Variants in NOTCH2 observed in about 807,000 individuals in gnomAD.
NOTCH2 encodes the protein neurogenic locus notch homolog protein 2.
Under a neutral mutation model 235.8 loss-of-function variants are expected in NOTCH2, and 29 were observed. That is an observed-to-expected ratio of 0.12 (90% CI 0.09 to 0.17). NOTCH2 has a LOEUF of 0.17. Among genes scored for constraint, NOTCH2 ranks in the 10% least tolerant of loss-of-function variants. NOTCH2 has a pLI of 1.00. For synonymous variants in NOTCH2, 1,086 were observed against 1,141.5 expected (o/e 0.95, Z 0.98); for missense variants, 2,285 against 3,150.2 (o/e 0.73, Z 6.57).
At position 119,948,590 on chromosome 1, in the gene NOTCH2, G is replaced by T. The variant is rs149097658; in HGVS notation, c.2600-24C>A. The T allele has an allele frequency of 1.9e-3, 3,104 of 1,613,920 alleles. 39 individuals are homozygous for T. The East Asian group carries it at 0.03, about 16-fold the overall frequency. On this transcript the variant is annotated intron_variant, in intron 16 of 33. Transcript: ENST00000256646. The stretch of plus-strand genomic sequence containing the variant: ...ACCTAGGAACACAGGGCCAATAAAT[G>T]ACCTAGTCCTTGGAAGCTGATTCCC...
In NOTCH2 at chr1:119,959,425, G is replaced by A. The variant is rs1352414422; in HGVS notation, c.1993C>T (p.Arg665Cys). The change falls in exon 12 of 34, where the codon CGC (arginine) becomes TGC (cysteine). Residue 665 changes from arginine (R) to cysteine (C), a missense_variant. Coordinates refer to ENST00000256646, the MANE Select transcript of NOTCH2 (RefSeq NM_024408.4). ...CCTGGTGAGCAGACACAACTGTAGC[G>A]ATTAATGCCATCCATACAGATTCCA... ...IHGICMDGIN[R>C]YSCVCSPGFT... 5.6e-6 allele frequency: 9 copies of A among 1,610,538 alleles called. No individual in the cohort carries two copies. The African/African-American group carries it at 6.7e-5, about 12-fold the overall frequency.
At chr1:119,982,094 T>G (rs1241965493) in intron 5 of NOTCH2, among the ~76,000 whole-genome samples, 11 of 152,160 alleles carry the variant, frequency 7.2e-5, no homozygotes, top group African/African-American at 2.4e-4. Flanking sequence ...AAGGAGCTCA[T>G]GCACCACCTC....
chr1:120,029,548 A>G (rs1360321642), intron 2 of NOTCH2, among the ~76,000 whole-genome samples: 3 of 151,704 alleles, frequency 2.0e-5, no homozygotes, highest in Non-Finnish European at 4.4e-5. Flanking sequence ...ATAGGGTTTC[A>G]CTATGTTGGC....
intron 16 of NOTCH2, 44 bp downstream of exon 16, chr1:119,948,963 A>T: frequency 6.2e-7 from 1 of 1,613,846 alleles, no homozygotes. Flanking sequence ...CTTTGTTTAA[A>T]GTCAGAATGC....
intron 22 of NOTCH2, among the ~76,000 whole-genome samples, chr1:119,930,583 A>C (rs924048327): frequency 1.3e-5 from 2 of 151,244 alleles, no homozygotes; most frequent in East Asian, 3.9e-4. Flanking sequence ...GTTCAAGACC[A>C]ATCTGCCCAA....
In NOTCH2 at chr1:119,912,980, G is replaced by T. The variant is rs765882340; in HGVS notation, c.*2326C>A. 3 of 233,370 alleles carry T rather than the reference G, an allele frequency of 1.3e-5. No individual in the cohort carries two copies. Among genetic ancestry groups the T allele is most frequent in the Non-Finnish European group, 2.5e-5 (3 of 118,020 alleles). The allele number at this position is 233,370 out of a possible 1,614,324, so 14.5% of individuals were successfully genotyped here. On this transcript the variant is annotated 3_prime_UTR_variant, in exon 34 of 34. Transcript: ENST00000256646. ...GTCTGACATTGTGCTTAAGGAAAAGGGAGGATATAAAATATCCAGTGGCTG... is the reference window on the plus strand; with the variant it reads ...GTCTGACATTGTGCTTAAGGAAAAGTGAGGATATAAAATATCCAGTGGCTG...
intron 18 of NOTCH2, among the ~76,000 whole-genome samples, 197 bp downstream of exon 18, chr1:119,941,329 T>C (rs1450864953): frequency 2.0e-5 from 3 of 152,196 alleles, no homozygotes; most frequent in Non-Finnish European, 4.4e-5. Context: ...CTATAAACTT[T>C]GCAACCTCTG....
rs532251094 is a variant in NOTCH2 at position 119,921,762 on chromosome 1, G to T, written c.5261C>A (p.Thr1754Lys). ...VSEANLIGTG[T>K]SEHWVDDEGP... ...TTCATCATCGACCCAGTGTTCACTT[G>T]TTCCAGTACCAATTAGGTTAGCTTC... The change falls in exon 29 of 34, where the codon ACA (threonine) becomes AAA (lysine). Residue 1754 changes from threonine (T) to lysine (K), a missense_variant. By Grantham distance (78) the Thr-to-Lys change is moderately conservative (BLOSUM62 -1). Around this residue, in one of 6 missense-constraint regions of NOTCH2, gnomAD observed 1,173 missense variants for 1,515.3 expected, o/e 0.77. Transcript: ENST00000256646. 5.0e-6 allele frequency: 8 copies of T among 1,614,180 alleles called. No individual in the cohort carries two copies. In the African/African-American group the frequency reaches 1.1e-4, roughly 22 times the overall value.
At chr1:119,917,360 GA>G (rs1327826762) in intron 33 of NOTCH2, among the ~76,000 whole-genome samples, 1 of 152,174 alleles carries the variant, frequency 6.6e-6, no homozygotes. Flanking sequence ...ACGAGAAAAA[GA>G]AGTGATTATG....
At position 119,920,255 on chromosome 1, in the gene NOTCH2, A is replaced by G; in HGVS notation, c.5453T>C (p.Val1818Ala). 1 of 1,614,166 alleles carries G rather than the reference A, an allele frequency of 6.2e-7. No homozygotes were observed. Among genetic ancestry groups the G allele is most frequent in the South Asian group, 1.1e-5 (1 of 91,072 alleles). Residue 1818 changes from valine to alanine, a missense_variant, in exon 30 of 34, where the codon GTG (valine) becomes GCG (alanine). By Grantham distance (64) the Val-to-Ala change is moderately conservative. Around this residue, in one of 6 missense-constraint regions of NOTCH2, gnomAD observed 1,173 missense variants for 1,515.3 expected, o/e 0.77. Coordinates refer to ENST00000256646, the MANE Select transcript of NOTCH2 (RefSeq NM_024408.4). ...TGGGCCACGGACATTCACATCTAACACATCCACCTCCTGCTCTGCCTGAGG... is the reference window on the plus strand; with the variant it reads ...TGGGCCACGGACATTCACATCTAACGCATCCACCTCCTGCTCTGCCTGAGG... The part of the protein sequence containing the change: ...TPPQAEQEVD[V>A]LDVNVRGPDG...
rs1650639063 is a variant in NOTCH2, at chr1:119,955,212, T to G, written c.2047A>C (p.Ile683Leu). The change falls in exon 13 of 34, where the codon ATT becomes CTT. Residue 683 changes from isoleucine to leucine, a missense_variant. By Grantham distance (5) the Ile-to-Leu change is conservative. Around this residue, in one of 6 missense-constraint regions of NOTCH2, gnomAD observed 1,173 missense variants for 1,515.3 expected, o/e 0.77. Transcript: ENST00000256646. ...CAGGGATTGGAGGCACACTCATCAA[T>G]GTCAATGTTACATCTCTGCCCTGTG... ...GFTGQRCNID[I>L]DECASNPCRK... is the part of the protein sequence containing the mutation. The G allele has an allele frequency of 6.2e-7, 1 of 1,614,144 alleles. No homozygotes were observed.
intron 20 of NOTCH2, 90 bp from the exon 21 acceptor site, chr1:119,937,556 C>A: frequency 8.2e-7 from 1 of 1,216,424 alleles, no homozygotes; most frequent in Non-Finnish European, 1.2e-6. Context: ...TCTAAACTGG[C>A]TGACACATCC....
At chr1:119,965,270 G>A (rs1198897283) in intron 10 of NOTCH2, among the ~76,000 whole-genome samples, 183 bp downstream of exon 10, 1 of 152,246 alleles carries the variant, frequency 6.6e-6, no homozygotes, top group Admixed American at 6.5e-5. Flanking sequence ...TGTTGTGGTG[G>A]AGGAGGCAGG....
At chr1:120,000,810 T>C (rs1652719602) in intron 3 of NOTCH2, among the ~76,000 whole-genome samples, 1 of 152,098 alleles carries the variant, frequency 6.6e-6, no homozygotes, top group East Asian at 1.9e-4. Context: ...ACTTACATCA[T>C]CAATACCATC....
chr1:119,912,513 C>G lies in NOTCH2; in HGVS notation c.*2793G>C. On this transcript the variant is annotated 3_prime_UTR_variant, in exon 34 of 34. Transcript: ENST00000256646. ...ATTTTAATTCTCAGACTCTCTTTCC[C>G]TCATACCTTTCCCTTCCCCACCTCA... 4.3e-6 allele frequency: 1 copy of G among 233,238 alleles called. No individual in the cohort carries two copies. Among genetic ancestry groups the G allele is most frequent in the Non-Finnish European group, 8.5e-6 (1 of 117,968 alleles). The allele number at this position is 233,238 out of a possible 1,614,324, so 14.4% of individuals were successfully genotyped here.
chr1:119,961,134 T>C (rs1298580692), intron 11 of NOTCH2, among the ~76,000 whole-genome samples: 1 of 152,160 alleles, frequency 6.6e-6, no homozygotes, highest in Non-Finnish European at 1.5e-5. Flanking sequence ...ACCTGCACAG[T>C]GCCACCATTA....
intron 1 of NOTCH2, among the ~76,000 whole-genome samples, chr1:120,033,878 T>A (rs2466819): frequency 0.04 from 6,105 of 151,230 alleles, no homozygotes; most frequent in East Asian, 0.12. Context: ...AACATCACTT[T>A]GTACCCTATA....
chr1:120,012,571 C>T (rs1653245187), intron 2 of NOTCH2, among the ~76,000 whole-genome samples: 1 of 151,840 alleles, frequency 6.6e-6, no homozygotes, highest in African/African-American at 2.4e-5. Context: ...ATTGAGACAA[C>T]TTTTACATTA....
chr1:119,960,137 A>G (rs1650877770), intron 11 of NOTCH2, among the ~76,000 whole-genome samples: 1 of 152,206 alleles, frequency 6.6e-6, no homozygotes, highest in African/African-American at 2.4e-5. Context: ...GTTAATCAGA[A>G]TTGAGTATTT....
Sources: allele counts gnomAD v4.1 joint callset (sites outside exome capture counted in the v4.1 genomes callset), GRCh38; gene constraint gnomAD v4.1.1; regional missense constraint gnomAD v4.1.1; transcripts MANE v1.5; gene names NCBI Gene and HGNC (gene_info 2026-07-23, HGNC 2026-07-21).